The following HIGD1C variants were observed in gnomAD, a reference collection of about 807,000 sequenced individuals.
HIGD1C encodes the protein HIG1 domain family member 1C.
HIGD1C carries 11 observed loss-of-function variants against 13.1 expected under a neutral mutation model. That is an observed-to-expected ratio of 0.84 (90% CI 0.53 to 1.39). The LOEUF (loss-of-function observed/expected upper bound fraction) is 1.39. HIGD1C is among the 40% of genes most tolerant of loss of function. The pLI is 0.00. For synonymous variants in HIGD1C, 36 were observed against 37.7 expected, an observed-to-expected ratio of 0.95 and a Z score of 0.17; for missense variants, 110 against 112.0, an observed-to-expected ratio of 0.98 and a Z score of 0.08.
intron 2 of HIGD1C, among the ~76,000 whole-genome samples, chr12:50,970,110 A>G (rs1939708560): frequency 6.6e-6 from 1 of 152,162 alleles, no homozygotes; most frequent in African/African-American, 2.4e-5. Context: ...ACAAGTAGAG[A>G]CTGAATAAAT....
the HIGD1C span, among the ~76,000 whole-genome samples, chr12:50,937,663 A>G: frequency 6.6e-6 from 1 of 152,128 alleles, no homozygotes. Context: ...AATGAGGTAC[A>G]TAGACACTGG....
At chr12:50,956,512 A>G (rs563567197) in intron 1 of HIGD1C, among the ~76,000 whole-genome samples, 64 of 152,312 alleles carry the variant, frequency 4.2e-4, no homozygotes, top group African/African-American at 1.5e-3. Context: ...CTTACAAAAC[A>G]TTTTTTGTTG....
chr12:50,952,810 A>T (rs1371233760), upstream of HIGD1C, among the ~76,000 whole-genome samples: 4 of 152,178 alleles, frequency 2.6e-5, no homozygotes, highest in Non-Finnish European at 5.9e-5. Context: ...GGATGGCAAG[A>T]ATCCTGGCCT....
intron 2 of HIGD1C, among the ~76,000 whole-genome samples, chr12:50,965,369 C>A (rs866374521): frequency 1.3e-5 from 2 of 151,768 alleles, no homozygotes; most frequent in African/African-American, 2.4e-5. Context: ...GCAATCCTCC[C>A]ACCTCAGCCT....
intron 1 of HIGD1C, among the ~76,000 whole-genome samples, chr12:50,957,622 C>T (rs374166423): frequency 1.3e-5 from 2 of 151,936 alleles, no homozygotes; most frequent in Non-Finnish European, 2.9e-5. Context: ...TGGTGGCTCA[C>T]GCCTATAATC....
chr12:50,950,316 G>A (rs939525811), upstream of HIGD1C, among the ~76,000 whole-genome samples: 1 of 152,176 alleles, frequency 6.6e-6, no homozygotes, highest in Non-Finnish European at 1.5e-5. Flanking sequence ...CAAGCATGGA[G>A]TTTGAGGTTG....
At chr12:50,953,579 G>A (rs1432442666), upstream of HIGD1C, among the ~76,000 whole-genome samples, 1 of 152,202 alleles carries the variant, frequency 6.6e-6, no homozygotes, top group African/African-American at 2.4e-5. Flanking sequence ...AAATCTGGAA[G>A]TATTTTTGCC....
intron 1 of HIGD1C, among the ~76,000 whole-genome samples, chr12:50,957,322 T>C (rs770913744): frequency 3.3e-5 from 5 of 151,890 alleles, no homozygotes; most frequent in Admixed American, 6.6e-5. Context: ...GCGATTCTCG[T>C]GCTTCAGCTT....
the HIGD1C span, among the ~76,000 whole-genome samples, chr12:50,941,003 C>G: frequency 2.0e-5 from 3 of 151,856 alleles, no homozygotes; most frequent in African/African-American, 7.3e-5. Flanking sequence ...TGCCACCATG[C>G]CCGGCTAATT....
intron 1 of HIGD1C, among the ~76,000 whole-genome samples, chr12:50,959,242 C>T (rs2139801199): frequency 6.6e-6 from 1 of 152,098 alleles, no homozygotes; most frequent in South Asian, 2.1e-4. Context: ...GCCTCAGCCT[C>T]CTGAGTAGCT....
At chr12:50,947,398 C>T in the HIGD1C span, among the ~76,000 whole-genome samples, 1 of 152,046 alleles carries the variant, frequency 6.6e-6, no homozygotes. Flanking sequence ...TTTCCTTTTC[C>T]AGTTTGTAGA....
At chr12:50,944,231 C>T in the HIGD1C span, among the ~76,000 whole-genome samples, 9 of 152,158 alleles carry the variant, frequency 5.9e-5, no homozygotes, top group Non-Finnish European at 1.5e-5. Flanking sequence ...TTCCTCTCTC[C>T]CAGGTCTGTC....
chr12:50,960,139 G>C (rs183826248), intron 1 of HIGD1C, among the ~76,000 whole-genome samples: 12 of 152,266 alleles, frequency 7.9e-5, no homozygotes, highest in Admixed American at 6.5e-4. Context: ...ATTTGTATAG[G>C]CTTCTGAACT....
the HIGD1C span, among the ~76,000 whole-genome samples, chr12:50,944,181 T>C: frequency 1.3e-5 from 2 of 151,922 alleles, no homozygotes; most frequent in Non-Finnish European, 2.9e-5. Flanking sequence ...AAGGATGAGG[T>C]CTCCTCCCAG....
chr12:50,965,741 C>A (rs545605401), intron 2 of HIGD1C, among the ~76,000 whole-genome samples: 6 of 152,336 alleles, frequency 3.9e-5, no homozygotes, highest in East Asian at 1.9e-4. Flanking sequence ...AAATGTGATT[C>A]TTTTCCCTTC....
upstream of HIGD1C, among the ~76,000 whole-genome samples, chr12:50,952,790 T>C (rs319939): frequency 0.48 from 72,503 of 151,994 alleles, 18,288 homozygotes; most frequent in South Asian, 0.65. Context: ...GGCTAGGGCG[T>C]GTTTCCGAAG....
chr12:50,970,334 T>A (rs1939716637), intron 2 of HIGD1C, 108 bp from the exon 5 acceptor site: 1 of 706,522 alleles, frequency 1.4e-6, no homozygotes, highest in Non-Finnish European at 2.5e-6. Flanking sequence ...GGCCTTTGTT[T>A]GTTTCTGTTT....
the HIGD1C span, among the ~76,000 whole-genome samples, chr12:50,936,457 C>T: frequency 2.0e-5 from 3 of 152,154 alleles, no homozygotes; most frequent in Non-Finnish European, 4.4e-5. Flanking sequence ...TATAACTCTA[C>T]AAGACAGGGA....
the HIGD1C span, among the ~76,000 whole-genome samples, chr12:50,942,230 G>C: frequency 6.6e-6 from 1 of 152,150 alleles, no homozygotes; most frequent in Non-Finnish European, 1.5e-5. Context: ...TTCTGAGTGA[G>C]GGGGACCTTT....
Sources: gnomAD v4.1 joint callset for allele counts (sites outside exome capture counted in the v4.1 genomes callset) on GRCh38, gnomAD v4.1.1 for gene constraint, MANE v1.5 for transcripts, NCBI Gene and HGNC (gene_info 2026-07-23, HGNC 2026-07-21) for gene names.